COL14A1: variants seen among roughly 807,000 people sequenced by gnomAD.
COL14A1 encodes collagen alpha-1(XIV) chain.
In COL14A1, 136 loss-of-function variants were observed where a neutral mutation model predicts 230.3. The ratio of observed to expected loss-of-function variants is 0.59; its 90% confidence interval spans 0.51 to 0.68. The LOEUF is 0.68. Ranked by LOEUF, COL14A1 falls within the 30% of genes least tolerant of loss-of-function variation. COL14A1 has a pLI of 0.00. For synonymous variants in COL14A1, 792 were observed against 784.1 expected, an observed-to-expected ratio of 1.01 and a Z score of -0.17; for missense variants, 1,976 against 2,215.8, an observed-to-expected ratio of 0.89 and a Z score of 2.17.
At chr8:120,152,746 G>A (rs1370989229) in intron 2 of COL14A1, among the ~76,000 whole-genome samples, 5 of 152,174 alleles carry the variant, frequency 3.3e-5, no homozygotes, top group African/African-American at 9.6e-5. Context: ...CAATAACAGA[G>A]TGATGGGATC....
chr8:120,127,689 A>G (rs1226310924), intron 1 of COL14A1, among the ~76,000 whole-genome samples: 1 of 152,182 alleles, frequency 6.6e-6, no homozygotes, highest in Non-Finnish European at 1.5e-5. Flanking sequence ...AATATTTCCT[A>G]GTGTCACACA....
chr8:120,175,633 C>T (rs1816256755), intron 5 of COL14A1, among the ~76,000 whole-genome samples: 1 of 152,152 alleles, frequency 6.6e-6, no homozygotes, highest in Non-Finnish European at 1.5e-5. Flanking sequence ...CACAGCTATG[C>T]TCATTCCTTT....
At chr8:120,366,461 C>T (rs1192879021) in intron 45 of COL14A1, among the ~76,000 whole-genome samples, 1 of 152,182 alleles carries the variant, frequency 6.6e-6, no homozygotes, top group Non-Finnish European at 1.5e-5. Flanking sequence ...CTAATGCAAC[C>T]GTATCTTGGG....
chr8:120,278,401 A>T (rs767586927), intron 27 of COL14A1, 34 bp from the exon 28 acceptor site: 1 of 1,596,146 alleles, frequency 6.3e-7, no homozygotes, highest in South Asian at 1.1e-5. Flanking sequence ...AATGGGAGGG[A>T]GTGAAATCAA....
intron 38 of COL14A1, 114 bp from the exon 39 acceptor site, chr8:120,315,419 A>G: frequency 1.7e-6 from 1 of 603,104 alleles, no homozygotes; most frequent in Non-Finnish European, 3.0e-6. Context: ...TTCTGTTTAG[A>G]TGTTAGTGCA....
Position 120,251,580 on chromosome 8 carries a change from C to A in COL14A1, c.2752+814C>A, listed in dbSNP as rs1818953078. On this transcript the variant is annotated intron_variant, in intron 22 of 47. Coordinates refer to ENST00000297848, the MANE Select transcript of COL14A1 (RefSeq NM_021110.4). ...CACCCACACAATAATGCAATGTTTT[C>A]CAAATTCCAGCACCTGTGTGCCATA... Among the ~76,000 whole-genome samples, 3 of 152,190 alleles carry A rather than the reference C, an allele frequency of 2.0e-5. No homozygotes were observed. In the South Asian group the frequency reaches 6.2e-4, roughly 31 times the overall value.
intron 2 of COL14A1, among the ~76,000 whole-genome samples, chr8:120,149,885 G>A (rs1256347403): frequency 2.0e-5 from 3 of 151,920 alleles, no homozygotes; most frequent in Admixed American, 2.0e-4. Context: ...GTAGAGAGGG[G>A]GTTTCACCAT....
At chr8:120,168,047 G>A (rs984293052) in intron 4 of COL14A1, 114 bp from the exon 5 acceptor site, 19 of 605,198 alleles carry the variant, frequency 3.1e-5, no homozygotes, top group East Asian at 1.1e-4. Flanking sequence ...TTTGTACCAC[G>A]GAGCTCATTT....
rs866044345 is a variant in COL14A1, at chr8:120,216,408, G to A, written c.1655G>A (p.Arg552Gln). The A allele has an allele frequency of 1.9e-6, 3 of 1,613,596 alleles. No individual in the cohort carries two copies. Among genetic ancestry groups the A allele is most frequent in the African/African-American group, 2.7e-5 (2 of 74,794 alleles). ...TCCAATGTTGGCTCTAACAGTGCTCGATTAACCTGGGACCCAACTTCAAGA... is the reference window on the plus strand; with the variant it reads ...TCCAATGTTGGCTCTAACAGTGCTCAATTAACCTGGGACCCAACTTCAAGA... Reference protein sequence around the residue: ...RISNVGSNSARLTWDPTSRQI... With the variant: ...RISNVGSNSAQLTWDPTSRQI... The change falls in exon 14 of 48, where the codon CGA (arginine) becomes CAA (glutamine). Residue 552 changes from arginine (R) to glutamine (Q), a missense_variant. Transcript: ENST00000297848.
intron 40 of COL14A1, among the ~76,000 whole-genome samples, chr8:120,331,528 T>C (rs962490385): frequency 6.6e-6 from 1 of 152,230 alleles, no homozygotes; most frequent in Non-Finnish European, 1.5e-5. Context: ...TTGAGGAAGA[T>C]GTTTTTATAA....
upstream of COL14A1, chr8:120,125,020 T>A (rs1407978082): frequency 6.6e-6 from 1 of 152,464 alleles, no homozygotes; most frequent in African/African-American, 2.4e-5. Flanking sequence ...CGTTATGGGC[T>A]TAGGCCTGCC....
chr8:120,154,196 G>A (rs1009295319), intron 2 of COL14A1, among the ~76,000 whole-genome samples: 15 of 152,056 alleles, frequency 9.9e-5, no homozygotes, highest in African/African-American at 3.4e-4. Context: ...AACCGTAAGC[G>A]TTCAAATTCA....
intron 22 of COL14A1, among the ~76,000 whole-genome samples, chr8:120,253,645 C>T (rs1019873891): frequency 2.6e-5 from 4 of 152,074 alleles, no homozygotes; most frequent in South Asian, 4.1e-4. Context: ...AAATCAGGGC[C>T]GGGTGCAGTG....
At chr8:120,308,189 C>A (rs1014085503) in intron 36 of COL14A1, among the ~76,000 whole-genome samples, 1 of 152,206 alleles carries the variant, frequency 6.6e-6, no homozygotes, top group Non-Finnish European at 1.5e-5. Context: ...ACCATGTTGG[C>A]CAGGCTGGTC....
At chr8:120,307,897 C>T (rs1337832276) in intron 36 of COL14A1, among the ~76,000 whole-genome samples, 1 of 152,218 alleles carries the variant, frequency 6.6e-6, no homozygotes, top group African/African-American at 2.4e-5. Context: ...AACGATTCTA[C>T]TCTTGGTATC....
intron 1 of COL14A1, among the ~76,000 whole-genome samples, chr8:120,130,238 T>A (rs1279180900): frequency 1.3e-5 from 2 of 152,216 alleles, no homozygotes; most frequent in Non-Finnish European, 2.9e-5. Context: ...AAAGAATACA[T>A]AGACTTGCAT....
chr8:120,128,223 G>GCA (rs2130366906), intron 1 of COL14A1, among the ~76,000 whole-genome samples: 1 of 88,280 alleles, frequency 1.1e-5, no homozygotes, highest in South Asian at 4.0e-4. Flanking sequence ...GTGTGTGTGC[G>GCA]CGCGCGTGTG....
intron 7 of COL14A1, 75 bp downstream of exon 7, chr8:120,198,005 T>G: frequency 7.0e-7 from 1 of 1,432,646 alleles, no homozygotes; most frequent in Non-Finnish European, 9.6e-7. Context: ...TTTGCCACTT[T>G]GTAAGCGTTA....
chr8:120,147,959 G>A (rs746274104), intron 2 of COL14A1, 29 bp downstream of exon 2: 17 of 1,442,290 alleles, frequency 1.2e-5, no homozygotes, highest in Non-Finnish European at 1.6e-5. Flanking sequence ...AATCAGTAGG[G>A]TCTGGGACTC....
Sources: allele counts gnomAD v4.1 joint callset (sites outside exome capture counted in the v4.1 genomes callset), GRCh38; gene constraint gnomAD v4.1.1; transcripts MANE v1.5; gene names NCBI Gene and HGNC (gene_info 2026-07-23, HGNC 2026-07-21).